MAF: variants seen among roughly 807,000 people sequenced by gnomAD.
MAF encodes transcription factor Maf.
A neutral mutation model predicts 22.0 loss-of-function variants in MAF; 10 were observed. The observed-to-expected ratio is 0.45, with a 90% CI of 0.28 to 0.77. The LOEUF is 0.77. Among genes scored for constraint, MAF ranks in the 30% least tolerant of loss-of-function variants. The probability of loss-of-function intolerance (pLI) is 0.12; values close to 1 mark genes in which losing one functional copy is unlikely to be tolerated. For synonymous variants in MAF, 337 were observed against 255.8 expected (o/e 1.32, Z -3.03); for missense variants, 544 against 548.4 (o/e 0.99, Z 0.08).
chr16:79,455,037 T>C, the MAF span, among the ~76,000 whole-genome samples: 36 of 147,558 alleles, frequency 2.4e-4, no homozygotes, highest in African/African-American at 9.0e-4. Flanking sequence ...TGGAGGTTGC[T>C]GTGAGCCGAG....
the MAF span, among the ~76,000 whole-genome samples, chr16:79,420,663 T>C: frequency 1.3e-5 from 2 of 152,214 alleles, no homozygotes; most frequent in African/African-American, 4.8e-5. Context: ...TGCCCCCTTT[T>C]CCAAGGCCTC....
At chr16:79,529,406 A>C in the MAF span, among the ~76,000 whole-genome samples, 1 of 152,194 alleles carries the variant, frequency 6.6e-6, no homozygotes, top group Non-Finnish European at 1.5e-5. Context: ...AAAGGAACAC[A>C]TCCGCCATAG....
At chr16:79,438,313 C>T in the MAF span, among the ~76,000 whole-genome samples, 1 of 152,040 alleles carries the variant, frequency 6.6e-6, no homozygotes, top group African/African-American at 2.4e-5. Context: ...CCAGAGGCAC[C>T]CGTTTGGAGG....
chr16:79,382,282 A>C, the MAF span, among the ~76,000 whole-genome samples: 1 of 152,200 alleles, frequency 6.6e-6, no homozygotes, highest in Non-Finnish European at 1.5e-5. Flanking sequence ...CAAAACAACC[A>C]CCATGCAAAA....
the MAF span, among the ~76,000 whole-genome samples, chr16:79,436,421 C>A: frequency 1.3e-5 from 2 of 152,344 alleles, no homozygotes; most frequent in South Asian, 4.1e-4. Flanking sequence ...TTTTAAACAA[C>A]ATTTGCAAAA....
the MAF span, among the ~76,000 whole-genome samples, chr16:79,464,955 A>T: frequency 6.6e-6 from 1 of 152,244 alleles, no homozygotes; most frequent in African/African-American, 2.4e-5. Flanking sequence ...AGAATGTGAC[A>T]GTATCTCAGC....
the MAF span, among the ~76,000 whole-genome samples, chr16:79,566,179 C>A: frequency 2.4e-4 from 37 of 152,148 alleles, no homozygotes; most frequent in African/African-American, 8.9e-4. Context: ...ATGTACATAT[C>A]CATATATCTG....
the MAF span, among the ~76,000 whole-genome samples, chr16:79,466,749 G>A: frequency 2.0e-5 from 3 of 152,202 alleles, no homozygotes; most frequent in Non-Finnish European, 4.4e-5. Flanking sequence ...ACCTAATGTG[G>A]TACCTTTTAT....
At chr16:79,215,226 C>A in the MAF span, among the ~76,000 whole-genome samples, 5 of 152,162 alleles carry the variant, frequency 3.3e-5, no homozygotes, top group Non-Finnish European at 7.4e-5. Flanking sequence ...TTGACTATAT[C>A]CATTCTGGTA....
At chr16:79,278,930 G>A in the MAF span, among the ~76,000 whole-genome samples, 1 of 152,316 alleles carries the variant, frequency 6.6e-6, no homozygotes, top group South Asian at 2.1e-4. Flanking sequence ...TGGGGCCATG[G>A]AAAAGTTGTA....
the MAF span, among the ~76,000 whole-genome samples, chr16:79,348,425 A>G: frequency 3.3e-5 from 5 of 152,342 alleles, no homozygotes; most frequent in African/African-American, 1.2e-4. Context: ...CTTCAGAAAC[A>G]GGATACGGGG....
chr16:79,474,219 G>A, the MAF span, among the ~76,000 whole-genome samples: 1 of 152,158 alleles, frequency 6.6e-6, no homozygotes, highest in South Asian at 2.1e-4. Context: ...CTCTCTACAT[G>A]GCATAGAAGA....
the MAF span, among the ~76,000 whole-genome samples, chr16:79,307,373 A>T: frequency 2.8e-3 from 425 of 152,336 alleles, 2 homozygotes; most frequent in African/African-American, 9.5e-3. Flanking sequence ...AGTGGGAGGC[A>T]CAGCCCGGGT....
At chr16:79,478,955 C>A in the MAF span, among the ~76,000 whole-genome samples, 1 of 151,298 alleles carries the variant, frequency 6.6e-6, no homozygotes, top group Admixed American at 6.6e-5. Flanking sequence ...ACCTGTACAC[C>A]ATCTTAATGC....
the MAF span, among the ~76,000 whole-genome samples, chr16:79,273,192 C>G: frequency 1.3e-5 from 2 of 152,126 alleles, no homozygotes; most frequent in Admixed American, 1.3e-4. Flanking sequence ...TGCTTTCAAC[C>G]CCTAGGGAAC....
intron 1 of MAF, among the ~76,000 whole-genome samples, chr16:79,588,806 G>A (rs1033093636): frequency 6.6e-6 from 1 of 151,488 alleles, no homozygotes; most frequent in Non-Finnish European, 1.5e-5. Flanking sequence ...TGTGTTAAAG[G>A]GTCCCAGGAA....
chr16:79,469,112 G>C, the MAF span, among the ~76,000 whole-genome samples: 1 of 152,102 alleles, frequency 6.6e-6, no homozygotes, highest in Non-Finnish European at 1.5e-5. Flanking sequence ...CTCTAAAGCA[G>C]AGGTTGCAAA....
At chr16:79,431,424 T>C in the MAF span, among the ~76,000 whole-genome samples, 4 of 152,242 alleles carry the variant, frequency 2.6e-5, no homozygotes, top group Non-Finnish European at 5.9e-5. Context: ...GTTATCAGTG[T>C]AGTGGGCTTG....
chr16:79,296,157 A>G, the MAF span, among the ~76,000 whole-genome samples: 1 of 152,248 alleles, frequency 6.6e-6, no homozygotes, highest in Non-Finnish European at 1.5e-5. Flanking sequence ...ATTCTTCCTC[A>G]TAGATCACTG....
Sources: allele counts gnomAD v4.1 joint callset (sites outside exome capture counted in the v4.1 genomes callset), GRCh38; gene constraint gnomAD v4.1.1; transcripts MANE v1.5; gene names NCBI Gene and HGNC (gene_info 2026-07-23, HGNC 2026-07-21).